ADGRB3: variants seen among roughly 807,000 people sequenced by gnomAD.
ADGRB3 encodes the protein adhesion G protein-coupled receptor B3, also known as brain-specific angiogenesis inhibitor 3.
In ADGRB3, 37 loss-of-function variants were observed where a neutral mutation model predicts 193.4. The ratio of observed to expected loss-of-function variants is 0.19; its 90% confidence interval spans 0.15 to 0.25. The LOEUF (loss-of-function observed/expected upper bound fraction) is 0.25. Ranked by LOEUF, ADGRB3 falls within the 10% of genes least tolerant of loss-of-function variation. The probability of loss-of-function intolerance (pLI) is 1.00; values close to 1 mark genes in which losing one functional copy is unlikely to be tolerated. For synonymous variants in ADGRB3, 690 were observed against 644.2 expected, an observed-to-expected ratio of 1.07 and a Z score of -1.08; for missense variants, 1,637 against 1,852.9, an observed-to-expected ratio of 0.88 and a Z score of 2.14.
Position 68,639,308 on chromosome 6 carries a change from G to A in ADGRB3, c.633G>A (p.Ser211=), listed in dbSNP as rs144107434. 1.7e-5 allele frequency: 27 copies of A among 1,613,938 alleles called. No individual in the cohort carries two copies. In the Admixed American group the frequency reaches 2.0e-4, roughly 12 times the overall value. Residue 211 remains serine (S), a synonymous_variant, in exon 3 of 32, where the codon TCG becomes TCA. Coordinates refer to ENST00000370598, the MANE Select transcript of ADGRB3 (RefSeq NM_001704.3). ...GAGAGTGGGGGATCGACGACCAGTC[G>A]CTGATTTTGTTAAATAACGTGGTGT... is the stretch of plus-strand genomic sequence containing the variant. The part of the protein sequence containing the change: ...HLGEWGIDDQ[S]LILLNNVVLP...
intron 3 of ADGRB3, among the ~76,000 whole-genome samples, chr6:68,748,308 C>A (rs967034761): frequency 6.6e-6 from 1 of 152,150 alleles, no homozygotes; most frequent in Non-Finnish European, 1.5e-5. Flanking sequence ...CAAGGCAAGT[C>A]CCTTCTGCCT....
At position 68,639,038 on chromosome 6, in the gene ADGRB3, A is replaced by G. The variant is rs1227238620; in HGVS notation, c.363A>G (p.Leu121=). ...LCNSKNAFVF[L]QYDKNFIQIR... ...ATTCCAAGAATGCTTTCGTTTTTCTACAGTATGATAAAAATTTTATTCAAA... is the reference window on the plus strand; with the variant it reads ...ATTCCAAGAATGCTTTCGTTTTTCTGCAGTATGATAAAAATTTTATTCAAA... The change falls in exon 3 of 32, where the codon CTA becomes CTG. Residue 121 remains leucine, a synonymous_variant. Coordinates refer to ENST00000370598, the MANE Select transcript of ADGRB3 (RefSeq NM_001704.3). 3.7e-6 allele frequency: 6 copies of G among 1,613,480 alleles called. No homozygotes were observed. The highest frequency in any genetic ancestry group is 1.1e-5 in the South Asian group (1 of 91,032).
At chr6:68,848,619 C>T (rs571619816) in intron 3 of ADGRB3, among the ~76,000 whole-genome samples, 1 of 151,920 alleles carries the variant, frequency 6.6e-6, no homozygotes, top group African/African-American at 2.4e-5. Flanking sequence ...TTACATAATT[C>T]TATTTAAATA....
intron 17 of ADGRB3, among the ~76,000 whole-genome samples, chr6:69,081,041 ATAAC>A: frequency 6.6e-6 from 1 of 152,158 alleles, no homozygotes; most frequent in Non-Finnish European, 1.5e-5. Context: ...GGGTAAAAGA[ATAAC>A]TAATTTTGGC....
At chr6:69,220,019 C>A (rs938450112) in intron 17 of ADGRB3, among the ~76,000 whole-genome samples, 1 of 151,928 alleles carries the variant, frequency 6.6e-6, no homozygotes, top group Non-Finnish European at 1.5e-5. Context: ...ATGCTTGAAG[C>A]TTTCCCACAG....
chr6:68,921,882 T>A (rs1030248287), intron 3 of ADGRB3, among the ~76,000 whole-genome samples: 5 of 152,050 alleles, frequency 3.3e-5, no homozygotes, highest in Middle Eastern at 3.4e-3. Context: ...CGCAATATCG[T>A]TTGTGTCGTA....
At chr6:69,112,960 CT>C (rs1447307622) in intron 17 of ADGRB3, among the ~76,000 whole-genome samples, 2 of 152,086 alleles carry the variant, frequency 1.3e-5, no homozygotes, top group Non-Finnish European at 2.9e-5. Flanking sequence ...GTTTCACCAT[CT>C]TGGCCAGACT....
At chr6:69,232,644 C>G in intron 17 of ADGRB3, 1 of 1,532,902 alleles carries the variant, frequency 6.5e-7, no homozygotes, top group Non-Finnish European at 8.7e-7. Context: ...GAAACCCACC[C>G]CTCCCCTGGA....
intron 17 of ADGRB3, among the ~76,000 whole-genome samples, chr6:69,100,843 AG>A: frequency 4.5e-5 from 5 of 110,466 alleles, no homozygotes; most frequent in African/African-American, 6.5e-5. Flanking sequence ...GGAAGGAAGG[AG>A]GGAGGGAGGG....
chr6:69,075,936 C>T lies in ADGRB3; in HGVS notation c.2437-59C>T, dbSNP rs1772216322. On this transcript the variant is annotated intron_variant, in intron 16 of 31. Coordinates refer to ENST00000370598, the MANE Select transcript of ADGRB3 (RefSeq NM_001704.3). ...ATTCTGTTTCTATTTCACATAATCCCTCAATCTTTTTATATATGTACTCAA... is the reference window on the plus strand; with the variant it reads ...ATTCTGTTTCTATTTCACATAATCCTTCAATCTTTTTATATATGTACTCAA... 3 of 1,289,282 alleles carry T rather than the reference C, an allele frequency of 2.3e-6. No homozygotes were observed. The South Asian group carries it at 3.8e-5, about 16-fold the overall frequency. 79.9% of individuals were successfully genotyped at this position (1,289,282 alleles called of 1,614,324 possible).
chr6:69,062,700 G>GTTT (rs1771784167), intron 15 of ADGRB3, among the ~76,000 whole-genome samples: 1 of 151,836 alleles, frequency 6.6e-6, no homozygotes, highest in Non-Finnish European at 1.5e-5. Flanking sequence ...CAGTGCTGTT[G>GTTT]CTTTCTCATA....
At position 69,244,632 on chromosome 6, in the gene ADGRB3, A is replaced by G. The variant is rs139224927; in HGVS notation, c.2814+5406A>G. Among the ~76,000 whole-genome samples, 410 of 152,216 alleles carry G rather than the reference A, an allele frequency of 2.7e-3. 2 individuals carry two copies. Among genetic ancestry groups the G allele is most frequent in the African/African-American group, 9.3e-3 (388 of 41,542 alleles). ...CTGCCCCAGAGATTCAGTGTTCTAC[A>G]TGCTTCTTTGGGAGATATCAGTCTC... On this transcript the variant is annotated intron_variant, in intron 20 of 31. Coordinates refer to ENST00000370598, the MANE Select transcript of ADGRB3 (RefSeq NM_001704.3).
chr6:68,777,270 C>G (rs1405280516), intron 3 of ADGRB3, among the ~76,000 whole-genome samples: 3 of 152,070 alleles, frequency 2.0e-5, no homozygotes, highest in Non-Finnish European at 4.4e-5. Flanking sequence ...ATTAATTGAC[C>G]TTGGTTCACT....
At chr6:68,758,071 C>G (rs1463632617) in intron 3 of ADGRB3, among the ~76,000 whole-genome samples, 1 of 152,072 alleles carries the variant, frequency 6.6e-6, no homozygotes, top group Non-Finnish European at 1.5e-5. Flanking sequence ...CCTTCCTGTT[C>G]TGGCCTCTGA....
chr6:69,024,670 C>G (rs537125263), intron 13 of ADGRB3, among the ~76,000 whole-genome samples: 4 of 152,124 alleles, frequency 2.6e-5, no homozygotes, highest in Non-Finnish European at 5.9e-5. Flanking sequence ...CTAACAGATA[C>G]AAGAATCTAA....
intron 17 of ADGRB3, among the ~76,000 whole-genome samples, chr6:69,196,198 G>A (rs1329953396): frequency 1.3e-5 from 2 of 152,134 alleles, no homozygotes; most frequent in African/African-American, 2.4e-5. Context: ...GGTACATAAA[G>A]TCATATATTT....
At chr6:69,050,630 T>A (rs1582422892) in intron 15 of ADGRB3, among the ~76,000 whole-genome samples, 1 of 152,312 alleles carries the variant, frequency 6.6e-6, no homozygotes, top group South Asian at 2.1e-4. Context: ...TTAAAAATGT[T>A]CAGATAATCA....
chr6:69,062,699 T>G (rs1771784075), intron 15 of ADGRB3, among the ~76,000 whole-genome samples: 1 of 151,986 alleles, frequency 6.6e-6, no homozygotes, highest in African/African-American at 2.4e-5. Context: ...TCAGTGCTGT[T>G]GCTTTCTCAT....
At chr6:68,643,709 G>A (rs1768138007) in intron 3 of ADGRB3, among the ~76,000 whole-genome samples, 1 of 151,386 alleles carries the variant, frequency 6.6e-6, no homozygotes, top group East Asian at 1.9e-4. Flanking sequence ...CGAAGCGGGT[G>A]GACCATGAGG....
Sources: allele counts gnomAD v4.1 joint callset (sites outside exome capture counted in the v4.1 genomes callset), GRCh38; gene constraint gnomAD v4.1.1; transcripts MANE v1.5; gene names NCBI Gene and HGNC (gene_info 2026-07-23, HGNC 2026-07-21).